UNC79: variants seen among roughly 807,000 people sequenced by gnomAD.
UNC79 encodes the protein unc-79 subunit of NALCN channel complex.
A neutral mutation model predicts 283.1 loss-of-function variants in UNC79; 37 were observed. That is an observed-to-expected ratio of 0.13 (90% CI 0.10 to 0.17). UNC79 has a LOEUF of 0.17. UNC79 is among the 10% of genes least tolerant of loss of function. The pLI, the probability that UNC79 is intolerant of heterozygous loss-of-function variation, is 1.00. For missense variants in UNC79, 2,272 were observed against 3,211.1 expected, an observed-to-expected ratio of 0.71 and a Z score of 7.07; for synonymous variants, 1,107 against 1,200.2, an observed-to-expected ratio of 0.92 and a Z score of 1.61.
chr14:93,428,842 C>G (rs2055787138), upstream of UNC79, among the ~76,000 whole-genome samples: 1 of 152,138 alleles, frequency 6.6e-6, no homozygotes, highest in Admixed American at 6.5e-5. Context: ...AAGTAACTTG[C>G]ACCAGGTTAC....
At chr14:93,706,621 C>A in intron 48 of UNC79, 83 bp from the exon 52 acceptor site, 1 of 1,517,228 alleles carries the variant, frequency 6.6e-7, no homozygotes, top group South Asian at 1.2e-5. Context: ...CTAAATTCTG[C>A]CTGCAAGAAG....
At chr14:93,591,676 A>G (rs1414429672) in intron 22 of UNC79, among the ~76,000 whole-genome samples, 4 of 152,252 alleles carry the variant, frequency 2.6e-5, no homozygotes, top group East Asian at 1.9e-4. Flanking sequence ...AAGCAATTCA[A>G]CTTTTCCTAG....
intron 1 of UNC79, among the ~76,000 whole-genome samples, chr14:93,351,619 A>G (rs1165355180): frequency 2.6e-5 from 4 of 152,166 alleles, no homozygotes; most frequent in East Asian, 1.9e-4. Context: ...CTCAAAATTT[A>G]TATTGATGTA....
intron 22 of UNC79, among the ~76,000 whole-genome samples, 186 bp from the exon 23 acceptor site, chr14:93,593,494 C>T (rs1016924108): frequency 3.9e-5 from 6 of 152,152 alleles, no homozygotes; most frequent in Admixed American, 3.9e-4. Context: ...TGCAGTGTCA[C>T]GTTAAGAGGA....
chr14:93,642,993 T>G lies in UNC79; in HGVS notation c.5904-564T>G, dbSNP rs575608018. ...TTGTTTGTGCTTTTACATATGACAC[T>G]CGGCAGGCCTGGTGAGTTCATAAAA... On this transcript the variant is annotated intron_variant, in intron 33 of 48. Transcript: ENST00000555664. Among the ~76,000 whole-genome samples, 166 of 152,256 alleles carry G rather than the reference T, an allele frequency of 1.1e-3. 1 individual carries two copies. The highest frequency in any genetic ancestry group is 3.8e-3 in the African/African-American group (157 of 41,554).
Position 93,682,548 on chromosome 14 carries a change from T to TA in UNC79, c.6742-65dup. On this transcript the variant is annotated intron_variant, in intron 41 of 48. Transcript: ENST00000555664. ...CACTAATTAATTTAAGCCAAGTTAA[T>TA]AAAATGATAAATTACTTATTAATGT... 7 of 1,364,566 alleles carry TA rather than the reference T, an allele frequency of 5.1e-6. No homozygotes were observed. The South Asian group carries it at 8.6e-5, about 17-fold the overall frequency. The allele number at this position is 1,364,566 out of a possible 1,614,324, so 84.5% of individuals were successfully genotyped here.
intron 1 of UNC79, among the ~76,000 whole-genome samples, chr14:93,380,581 T>G (rs1301139458): frequency 1.3e-5 from 2 of 152,218 alleles, no homozygotes; most frequent in African/African-American, 4.8e-5. Context: ...TATGTGAAAT[T>G]GAACTTTTGC....
chr14:93,693,237 A>G (rs2074839389), intron 46 of UNC79, among the ~76,000 whole-genome samples: 1 of 152,200 alleles, frequency 6.6e-6, no homozygotes, highest in Non-Finnish European at 1.5e-5. Flanking sequence ...AAATAATTAC[A>G]TTTATTGGAT....
At chr14:93,498,448 G>A (rs114167937) in intron 7 of UNC79, among the ~76,000 whole-genome samples, 2,074 of 151,838 alleles carry the variant, frequency 0.014, 55 homozygotes, top group African/African-American at 0.048. Flanking sequence ...AATTTTAGCC[G>A]GACGTGGTGG....
chr14:93,464,740 T>C (rs894035433), intron 1 of UNC79, among the ~76,000 whole-genome samples: 1 of 152,152 alleles, frequency 6.6e-6, no homozygotes, highest in Non-Finnish European at 1.5e-5. Flanking sequence ...TTATATCTAT[T>C]GGGCCCAATT....
At chr14:93,462,719 T>G (rs915371235) in intron 1 of UNC79, among the ~76,000 whole-genome samples, 1 of 152,046 alleles carries the variant, frequency 6.6e-6, no homozygotes, top group Admixed American at 6.6e-5. Context: ...ATTAGAGGAG[T>G]GAGGTACGGC....
exon 25 of UNC79, chr14:93,600,644 C>G (rs1433640153): frequency 6.2e-7 from 1 of 1,613,784 alleles, no homozygotes; most frequent in South Asian, 1.1e-5. Context: ...CAAGCTTTTA[C>G]TCTTGCACTT....
chr14:93,431,778 G>A (rs2055890342), intron 1 of UNC79, among the ~76,000 whole-genome samples: 1 of 152,178 alleles, frequency 6.6e-6, no homozygotes, highest in African/African-American at 2.4e-5. Context: ...CTGTGTGCGT[G>A]GTTGGAAGCA....
chr14:93,434,327 G>C (rs934126278), intron 1 of UNC79, among the ~76,000 whole-genome samples: 70 of 152,230 alleles, frequency 4.6e-4, no homozygotes, highest in African/African-American at 1.6e-3. Context: ...CAAAACAGGA[G>C]GTGAAAGCTT....
At chr14:93,587,270 T>C (rs958383220) in intron 22 of UNC79, among the ~76,000 whole-genome samples, 2 of 152,204 alleles carry the variant, frequency 1.3e-5, no homozygotes, top group African/African-American at 4.8e-5. Context: ...TTACTTAAAA[T>C]AGAACTGCTA....
chr14:93,358,464 A>C lies in UNC79; in HGVS notation c.-351+24941A>C, dbSNP rs1309270194. ...CTTATCTCCTGTAGAGAAAGAGCTG[A>C]AATTGTAGAAAAACAGACACAAGCT... On this transcript the variant is annotated intron_variant, in intron 1 of 49. Transcript: ENST00000256339. Among the ~76,000 whole-genome samples the C allele has an allele frequency of 3.3e-5, 5 of 152,296 alleles. No individual in the cohort carries two copies. The East Asian group carries it at 5.8e-4, about 18-fold the overall frequency.
chr14:93,591,024 G>A (rs550452973), intron 22 of UNC79, among the ~76,000 whole-genome samples: 217 of 152,316 alleles, frequency 1.4e-3, no homozygotes, highest in Non-Finnish European at 1.4e-3. Context: ...CACACTGGGA[G>A]GACACAAAGG....
chr14:93,696,242 G>A (rs1395788510), intron 47 of UNC79, among the ~76,000 whole-genome samples: 1 of 151,982 alleles, frequency 6.6e-6, no homozygotes, highest in Non-Finnish European at 1.5e-5. Context: ...TTCCAGTTTG[G>A]GGCTTTTACA....
intron 1 of UNC79, among the ~76,000 whole-genome samples, chr14:93,404,493 A>AAAAAT: frequency 6.5e-5 from 4 of 61,492 alleles, no homozygotes; most frequent in Admixed American, 4.7e-4. Flanking sequence ...TTCTAAAAAA[A>AAAAAT]ATATATATAT....
Sources: gnomAD v4.1 joint callset for allele counts (sites outside exome capture counted in the v4.1 genomes callset) on GRCh38, gnomAD v4.1.1 for gene constraint, MANE v1.5 for transcripts, NCBI Gene and HGNC (gene_info 2026-07-23, HGNC 2026-07-21) for gene names.